The following UBE2G1 variants were observed in gnomAD, a reference collection of about 807,000 sequenced individuals.
The protein encoded by UBE2G1 is ubiquitin conjugating enzyme E2 G1.
UBE2G1 carries 5 observed loss-of-function variants against 22.7 expected under a neutral mutation model. The ratio of observed to expected loss-of-function variants is 0.22; its 90% CI spans 0.12 to 0.46. UBE2G1 has a LOEUF of 0.46. Ranked by LOEUF, UBE2G1 falls within the 20% of genes least tolerant of loss-of-function variation. The pLI is 0.99. For synonymous variants in UBE2G1, 74 were observed against 67.5 expected (o/e 1.10, Z -0.47); for missense variants, 88 against 203.9 (o/e 0.43, Z 3.46).
chr17:4,342,522 T>A (rs1969723102), intron 1 of UBE2G1, among the ~76,000 whole-genome samples: 1 of 152,152 alleles, frequency 6.6e-6, no homozygotes, highest in Non-Finnish European at 1.5e-5. Flanking sequence ...TTCGAGGCTG[T>A]GGTGAGCCAT....
At chr17:4,332,191 T>A (rs562554773) in intron 1 of UBE2G1, among the ~76,000 whole-genome samples, 1 of 152,200 alleles carries the variant, frequency 6.6e-6, no homozygotes, top group Non-Finnish European at 1.5e-5. Flanking sequence ...GTGTTCACTT[T>A]GCTTTCATAC....
intron 1 of UBE2G1, among the ~76,000 whole-genome samples, chr17:4,358,312 G>GAGTGTAGC (rs1969929827): frequency 6.6e-6 from 1 of 152,082 alleles, no homozygotes; most frequent in African/African-American, 2.4e-5. Flanking sequence ...GCCCAGGCTG[G>GAGTGTAGC]AGTGTAGCGG....
intron 2 of UBE2G1, among the ~76,000 whole-genome samples, chr17:4,297,613 G>C (rs1028521898): frequency 3.3e-5 from 5 of 152,066 alleles, no homozygotes; most frequent in African/African-American, 4.8e-5. Flanking sequence ...CAGCCTTAAA[G>C]GGCAAAAATA....
At chr17:4,286,277 T>C (rs961467664) in intron 4 of UBE2G1, among the ~76,000 whole-genome samples, 1 of 151,368 alleles carries the variant, frequency 6.6e-6, no homozygotes, top group East Asian at 2.0e-4. Context: ...TGGTGGCAGA[T>C]GCCTGTAATC....
intron 1 of UBE2G1, among the ~76,000 whole-genome samples, chr17:4,352,903 C>T (rs980402848): frequency 6.6e-6 from 1 of 152,054 alleles, no homozygotes; most frequent in Non-Finnish European, 1.5e-5. Context: ...GGAGAAACCC[C>T]GTCTCTACTA....
At chr17:4,333,604 A>C (rs1306482891) in intron 1 of UBE2G1, among the ~76,000 whole-genome samples, 1 of 151,908 alleles carries the variant, frequency 6.6e-6, no homozygotes, top group East Asian at 1.9e-4. Context: ...GGTGGATCAC[A>C]GGGTCAGGAG....
chr17:4,324,805 C>T (rs1032132968), intron 1 of UBE2G1, among the ~76,000 whole-genome samples: 2 of 151,972 alleles, frequency 1.3e-5, no homozygotes, highest in South Asian at 2.1e-4. Flanking sequence ...AGGCCGGGCG[C>T]GGTGGCTCAC....
At chr17:4,364,850 G>C (rs1261092260) in intron 1 of UBE2G1, among the ~76,000 whole-genome samples, 1 of 152,186 alleles carries the variant, frequency 6.6e-6, no homozygotes, top group East Asian at 1.9e-4. Context: ...CCGAAGTGCT[G>C]GGATTACAGG....
chr17:4,353,462 T>TATAC (rs990958855), intron 1 of UBE2G1, among the ~76,000 whole-genome samples: 67 of 148,192 alleles, frequency 4.5e-4, no homozygotes, highest in African/African-American at 1.5e-3. Context: ...TATATATATA[T>TATAC]ACACACACAC....
At chr17:4,364,309 G>C (rs1406925915) in intron 1 of UBE2G1, 5 of 53,570 alleles carry the variant, frequency 9.3e-5, no homozygotes, top group African/African-American at 3.9e-4. Flanking sequence ...TTTTTTTTTT[G>C]AGACACAGTC....
chr17:4,284,869 G>T, intron 4 of UBE2G1, among the ~76,000 whole-genome samples: 1 of 114,756 alleles, frequency 8.7e-6, no homozygotes, highest in African/African-American at 3.4e-5. Flanking sequence ...TTTGGAGATA[G>T]GGTCTCACTC....
intron 1 of UBE2G1, among the ~76,000 whole-genome samples, chr17:4,350,534 A>T (rs1969832838): frequency 6.6e-6 from 1 of 152,178 alleles, no homozygotes; most frequent in Non-Finnish European, 1.5e-5. Flanking sequence ...TAAATAATAA[A>T]GAATTCAGAG....
intron 5 of UBE2G1, among the ~76,000 whole-genome samples, chr17:4,274,108 G>A (rs1968792433): frequency 6.6e-6 from 1 of 150,742 alleles, no homozygotes; most frequent in African/African-American, 2.4e-5. Context: ...AGCCTCCCGA[G>A]TAGCTGGATC....
intron 1 of UBE2G1, 128 bp downstream of exon 1, chr17:4,366,143 A>G: frequency 2.0e-6 from 2 of 977,094 alleles, no homozygotes; most frequent in Non-Finnish European, 2.8e-6. Flanking sequence ...CGGAGCCTCG[A>G]GGTCCCCACC....
chr17:4,274,999 G>C (rs1346553554), intron 5 of UBE2G1, among the ~76,000 whole-genome samples: 1 of 151,344 alleles, frequency 6.6e-6, no homozygotes, highest in Admixed American at 6.6e-5. Context: ...ACTGAAGCCT[G>C]AGTGACAGTA....
At position 4,275,707 on chromosome 17, in the gene UBE2G1, C is replaced by A. The variant is rs542569779; in HGVS notation, c.*38-3191G>T. On this transcript the variant is annotated intron_variant, in intron 5 of 5. Coordinates refer to ENST00000396981, the MANE Select transcript of UBE2G1 (RefSeq NM_003342.5). ...ATTCTTCAATCATAGGGAAGTATTT[C>A]AATGATCTTAAGTGTTTCAATGATC... 7.9e-5 allele frequency among the ~76,000 whole-genome samples: 12 copies of A among 152,254 alleles called. No homozygotes were observed. The South Asian group carries it at 2.5e-3, about 32-fold the overall frequency.
chr17:4,359,851 C>CAAAAAAAAAAAAAAAAAA (rs35941094), intron 1 of UBE2G1, among the ~76,000 whole-genome samples: 1 of 107,512 alleles, frequency 9.3e-6, no homozygotes, highest in Non-Finnish European at 2.2e-5. Context: ...GGCTCCATCT[C>CAAAAAAAAAAAAAAAAAA]AAAAAAAAAA....
chr17:4,291,356 C>T (rs1184636808), intron 3 of UBE2G1, among the ~76,000 whole-genome samples: 1 of 30,416 alleles, frequency 3.3e-5, no homozygotes, highest in East Asian at 9.7e-4. Flanking sequence ...GAAACTCCAT[C>T]TCAAAAAAAA....
chr17:4,356,335 G>A (rs887826466), intron 1 of UBE2G1, among the ~76,000 whole-genome samples: 1 of 151,864 alleles, frequency 6.6e-6, no homozygotes, highest in Non-Finnish European at 1.5e-5. Flanking sequence ...TTCAGCCTGG[G>A]CGACAAGAGC....
Sources: allele counts gnomAD v4.1 joint callset (sites outside exome capture counted in the v4.1 genomes callset), GRCh38; gene constraint gnomAD v4.1.1; transcripts MANE v1.5; gene names NCBI Gene and HGNC (gene_info 2026-07-23, HGNC 2026-07-21).